Variants in PRIMA1 observed in about 807,000 individuals in gnomAD.
The protein encoded by PRIMA1 is proline rich membrane anchor 1.
In PRIMA1, 7 loss-of-function variants were observed where a neutral mutation model predicts 17.5. The observed-to-expected ratio is 0.40, with a 90% CI of 0.23 to 0.75. The LOEUF is 0.75. Among genes scored for constraint, PRIMA1 ranks in the 30% least tolerant of loss-of-function variants. The pLI, the probability that PRIMA1 is intolerant of heterozygous loss-of-function variation, is 0.37. For synonymous variants in PRIMA1, 97 were observed against 77.9 expected (o/e 1.25, Z -1.29); for missense variants, 200 against 201.8 (o/e 0.99, Z 0.05).
chr14:93,731,010 G>A (rs1176596082), intron 4 of PRIMA1, among the ~76,000 whole-genome samples: 1 of 152,070 alleles, frequency 6.6e-6, no homozygotes, highest in East Asian at 1.9e-4. Flanking sequence ...ACCTGGAGAG[G>A]AGCATGGAGC....
intron 3 of PRIMA1, among the ~76,000 whole-genome samples, chr14:93,763,046 C>A (rs556735916): frequency 5.3e-5 from 8 of 152,218 alleles, no homozygotes; most frequent in Non-Finnish European, 1.2e-4. Flanking sequence ...TTTCCCATAG[C>A]ACTTGCTGCC....
intron 3 of PRIMA1, among the ~76,000 whole-genome samples, chr14:93,767,500 G>T (rs985526856): frequency 6.6e-6 from 1 of 152,088 alleles, no homozygotes; most frequent in African/African-American, 2.4e-5. Flanking sequence ...AGGAGCAAAG[G>T]GTTGGCTGAC....
At chr14:93,763,303 C>A (rs565088370) in intron 3 of PRIMA1, among the ~76,000 whole-genome samples, 10 of 152,314 alleles carry the variant, frequency 6.6e-5, no homozygotes, top group African/African-American at 1.9e-4. Context: ...AGTGCACACA[C>A]CTGTGACAGC....
chr14:93,784,304 A>G (rs1483876094), intron 2 of PRIMA1, among the ~76,000 whole-genome samples: 1 of 152,110 alleles, frequency 6.6e-6, no homozygotes, highest in African/African-American at 2.4e-5. Flanking sequence ...TCCTCCCTGC[A>G]TCCATCCTTC....
chr14:93,767,762 C>G (rs965027698), intron 3 of PRIMA1, among the ~76,000 whole-genome samples: 1 of 152,312 alleles, frequency 6.6e-6, no homozygotes. Context: ...CACACCCCCC[C>G]TCTCCATTCT....
intron 3 of PRIMA1, among the ~76,000 whole-genome samples, chr14:93,772,370 T>C (rs1022934301): frequency 1.3e-5 from 2 of 152,270 alleles, no homozygotes; most frequent in African/African-American, 4.8e-5. Context: ...ACTATGGAAA[T>C]GCAGGCTCAC....
intron 3 of PRIMA1, among the ~76,000 whole-genome samples, chr14:93,759,189 A>C (rs1012116937): frequency 6.6e-6 from 1 of 152,180 alleles, no homozygotes; most frequent in Admixed American, 6.5e-5. Flanking sequence ...TTGAGGGCTA[A>C]GCAGTTGCTC....
intron 3 of PRIMA1, among the ~76,000 whole-genome samples, chr14:93,774,828 A>G (rs1448464392): frequency 6.6e-6 from 1 of 152,232 alleles, no homozygotes; most frequent in Non-Finnish European, 1.5e-5. Context: ...TTTCAAAAGT[A>G]CTTCTCACTT....
At chr14:93,770,145 G>A (rs1885014780) in intron 3 of PRIMA1, among the ~76,000 whole-genome samples, 1 of 152,054 alleles carries the variant, frequency 6.6e-6, no homozygotes, top group South Asian at 2.1e-4. Flanking sequence ...CCTCCACCCC[G>A]GGTCCAGCCC....
intron 2 of PRIMA1, among the ~76,000 whole-genome samples, chr14:93,780,115 C>A (rs72694756): frequency 6.6e-6 from 1 of 152,368 alleles, no homozygotes; most frequent in Non-Finnish European, 1.5e-5. Context: ...CAGTTCCAGG[C>A]CCCCGGCCTC....
At position 93,787,692 on chromosome 14, in the gene PRIMA1, G is replaced by T; in HGVS notation, c.27C>A (p.Arg9=). Residue 9 remains arginine (R), a synonymous_variant, in exon 2 of 5, where the codon CGC becomes CGA. Transcript: ENST00000393140. The part of the protein sequence containing the change: MLLRDLVL[R]RGCCWSSLLL... ...GCAGCGAGGACCAGCAGCAGCCACG[G>T]CGCAGCACCAAGTCCCGGAGGAGCA... 6.5e-7 allele frequency: 1 copy of T among 1,544,486 alleles called. No individual in the cohort carries two copies.
intron 3 of PRIMA1, among the ~76,000 whole-genome samples, chr14:93,759,246 G>A (rs1248872221): frequency 1.3e-5 from 2 of 152,144 alleles, no homozygotes; most frequent in Non-Finnish European, 2.9e-5. Context: ...TCTGTTGTGT[G>A]AAACTGTCCC....
chr14:93,737,462 G>A (rs1432086285), intron 3 of PRIMA1, 92 bp from the exon 4 acceptor site: 2 of 1,456,314 alleles, frequency 1.4e-6, no homozygotes, highest in African/African-American at 1.4e-5. Flanking sequence ...CACCAACAGA[G>A]GCGTGGGGAG....
At chr14:93,759,881 C>T (rs1021966318) in intron 3 of PRIMA1, among the ~76,000 whole-genome samples, 1 of 152,210 alleles carries the variant, frequency 6.6e-6, no homozygotes, top group African/African-American at 2.4e-5. Context: ...AGGCCCCGGC[C>T]TGGACATCAC....
At chr14:93,729,365 C>G (rs530911723) in intron 4 of PRIMA1, among the ~76,000 whole-genome samples, 1 of 152,266 alleles carries the variant, frequency 6.6e-6, no homozygotes, top group African/African-American at 2.4e-5. Context: ...AGTGTTGCTA[C>G]AGGTACGCAT....
At chr14:93,738,583 C>A (rs1035867367) in intron 3 of PRIMA1, among the ~76,000 whole-genome samples, 2 of 152,154 alleles carry the variant, frequency 1.3e-5, no homozygotes, top group African/African-American at 4.8e-5. Flanking sequence ...ATGATAGATA[C>A]TTTGAGGGGT....
At chr14:93,744,555 C>T (rs905716096) in intron 3 of PRIMA1, among the ~76,000 whole-genome samples, 8 of 152,320 alleles carry the variant, frequency 5.3e-5, no homozygotes, top group Admixed American at 2.0e-4. Flanking sequence ...AATCAGACCT[C>T]GATGCCTTGG....
At chr14:93,770,009 G>A (rs950377851) in intron 3 of PRIMA1, among the ~76,000 whole-genome samples, 18 of 152,132 alleles carry the variant, frequency 1.2e-4, no homozygotes, top group Non-Finnish European at 2.9e-5. Flanking sequence ...TTTCTTCCAC[G>A]CAGTCATTCC....
At chr14:93,758,671 C>G (rs1405130698) in intron 3 of PRIMA1, among the ~76,000 whole-genome samples, 1 of 151,726 alleles carries the variant, frequency 6.6e-6, no homozygotes, top group African/African-American at 2.4e-5. Context: ...GAACAAAAGC[C>G]CTGATGAAGG....
Sources: allele counts gnomAD v4.1 joint callset (sites outside exome capture counted in the v4.1 genomes callset), GRCh38; gene constraint gnomAD v4.1.1; transcripts MANE v1.5; gene names NCBI Gene and HGNC (gene_info 2026-07-23, HGNC 2026-07-21).